The following ANO4 variants were observed in gnomAD, a reference collection of about 807,000 sequenced individuals.
ANO4 encodes the protein anoctamin 4.
In ANO4, 69 loss-of-function variants were observed where a neutral mutation model predicts 141.9. That is an observed-to-expected ratio of 0.49 (90% confidence interval 0.40 to 0.59). The LOEUF (loss-of-function observed/expected upper bound fraction) is 0.59, where lower values mean the gene tolerates loss of function less well. Among genes scored for constraint, ANO4 ranks in the 20% least tolerant of loss-of-function variants. The pLI is 0.00. For missense variants in ANO4, 894 were observed against 1,162.2 expected, an observed-to-expected ratio of 0.77 and a Z score of 3.36; for synonymous variants, 350 against 394.3, an observed-to-expected ratio of 0.89 and a Z score of 1.33.
intron 2 of ANO4, among the ~76,000 whole-genome samples, chr12:100,908,876 A>G (rs1406233370): frequency 2.6e-5 from 4 of 152,228 alleles, no homozygotes; most frequent in Non-Finnish European, 5.9e-5. Context: ...TGCCTGAACA[A>G]TTTCAGTATG....
chr12:100,894,050 A>G (rs1190926463), intron 1 of ANO4, among the ~76,000 whole-genome samples: 1 of 152,156 alleles, frequency 6.6e-6, no homozygotes, highest in Non-Finnish European at 1.5e-5. Context: ...AGAAAATATT[A>G]TATCTAGTCC....
intron 1 of ANO4, among the ~76,000 whole-genome samples, chr12:100,807,671 A>T (rs554352372): frequency 2.6e-5 from 4 of 152,208 alleles, no homozygotes; most frequent in Admixed American, 2.6e-4. Flanking sequence ...CCTGGGTATT[A>T]AGCCCAGCAT....
upstream of ANO4, among the ~76,000 whole-genome samples, chr12:100,793,448 C>G (rs1211242910): frequency 6.6e-6 from 1 of 152,090 alleles, no homozygotes; most frequent in Non-Finnish European, 1.5e-5. Context: ...CTGTGGTATT[C>G]AGGCTCCCCA....
intron 9 of ANO4, among the ~76,000 whole-genome samples, chr12:101,026,345 T>G (rs1223654149): frequency 6.6e-6 from 1 of 152,162 alleles, no homozygotes; most frequent in Non-Finnish European, 1.5e-5. Context: ...AATTGTACAC[T>G]GAAAACTACA....
chr12:101,075,935 T>C (rs2049008215), intron 14 of ANO4, among the ~76,000 whole-genome samples: 1 of 151,998 alleles, frequency 6.6e-6, no homozygotes, highest in Non-Finnish European at 1.5e-5. Context: ...ACAACCTGTC[T>C]TGGTTTGACT....
intron 2 of ANO4, among the ~76,000 whole-genome samples, chr12:100,737,288 G>A (rs781742115): frequency 3.4e-4 from 52 of 152,176 alleles, no homozygotes; most frequent in Non-Finnish European, 5.7e-4. Flanking sequence ...CCACATGGCT[G>A]CAGGGTTTCA....
Position 101,020,028 on chromosome 12 carries a change from A to T in ANO4, c.735-6A>T. The T allele has an allele frequency of 6.3e-7, 1 of 1,599,584 alleles. No homozygotes were observed. The highest frequency in any genetic ancestry group is 8.6e-7 in the Non-Finnish European group (1 of 1,167,508). On this transcript the variant is annotated splice_region_variant and splice_polypyrimidine_tract_variant and intron_variant, in intron 8 of 27. Transcript: ENST00000392977. ...CTCAACTTGTATTTTTAATATATGT[A>T]TGCAGCTTCATCATACACAACAAAG... is the stretch of plus-strand genomic sequence containing the variant.
Position 100,944,513 on chromosome 12 carries a change from G to A in ANO4, c.456+1978G>A, listed in dbSNP as rs550369784. Reference sequence around the variant, plus strand: ...CCCCCCTCCCCACTTTCCCCCAAAAGTTCTTCTCTGGGCATCACCTTCCAT... The same window carrying A: ...CCCCCCTCCCCACTTTCCCCCAAAAATTCTTCTCTGGGCATCACCTTCCAT... On this transcript the variant is annotated intron_variant, in intron 5 of 27. Transcript: ENST00000392977. Among the ~76,000 whole-genome samples, 26 of 150,668 alleles carry A rather than the reference G, an allele frequency of 1.7e-4. 1 individual carries two copies. In the South Asian group the frequency reaches 5.2e-3, roughly 30 times the overall value.
chr12:100,869,989 C>T (rs1393757142), intron 1 of ANO4, among the ~76,000 whole-genome samples: 1 of 152,176 alleles, frequency 6.6e-6, no homozygotes, highest in Non-Finnish European at 1.5e-5. Flanking sequence ...AGTGGTTCTA[C>T]CTGTGTTTCT....
At chr12:100,869,108 A>C (rs538371467) in intron 1 of ANO4, among the ~76,000 whole-genome samples, 4 of 152,140 alleles carry the variant, frequency 2.6e-5, no homozygotes. Context: ...CTGGTACTCA[A>C]CCTGAAACAC....
intron 8 of ANO4, among the ~76,000 whole-genome samples, chr12:101,002,949 C>T (rs992246031): frequency 1.3e-5 from 2 of 152,220 alleles, no homozygotes; most frequent in Non-Finnish European, 2.9e-5. Flanking sequence ...AAGCATTCCT[C>T]CTCTGCCCTA....
intron 14 of ANO4, among the ~76,000 whole-genome samples, chr12:101,060,065 T>A (rs1018352998): frequency 2.9e-4 from 44 of 152,246 alleles, no homozygotes; most frequent in African/African-American, 9.6e-4. Context: ...TTCCCAGAGA[T>A]TCTGGTACGT....
At chr12:100,971,479 C>A in intron 6 of ANO4, 73 bp downstream of exon 6, 2 of 1,108,418 alleles carry the variant, frequency 1.8e-6, no homozygotes, top group Non-Finnish European at 2.6e-6. Context: ...TCTCTCAGAA[C>A]AAATAAAACT....
intron 1 of ANO4, among the ~76,000 whole-genome samples, chr12:100,872,383 C>T (rs912765196): frequency 3.9e-5 from 6 of 152,210 alleles, no homozygotes; most frequent in South Asian, 2.1e-4. Context: ...AGAGTGAAAA[C>T]GTGATCTCAA....
chr12:100,965,766 C>T (rs2043626509), intron 5 of ANO4, among the ~76,000 whole-genome samples: 1 of 151,982 alleles, frequency 6.6e-6, no homozygotes. Context: ...ATAAAAGTCA[C>T]CTAATCACAG....
intron 8 of ANO4, 108 bp from the exon 9 acceptor site, chr12:101,019,926 T>G: frequency 1.2e-6 from 1 of 826,296 alleles, no homozygotes; most frequent in Non-Finnish European, 2.0e-6. Context: ...ACACCCTGTC[T>G]ATGACTGACT....
intron 14 of ANO4, among the ~76,000 whole-genome samples, chr12:101,049,735 T>A (rs914739108): frequency 1.3e-5 from 2 of 152,226 alleles, no homozygotes; most frequent in African/African-American, 4.8e-5. Flanking sequence ...TGATATATTG[T>A]GTCTTTTGTA....
At chr12:101,104,174 C>G (rs1450809777) in intron 22 of ANO4, among the ~76,000 whole-genome samples, 1 of 151,818 alleles carries the variant, frequency 6.6e-6, no homozygotes, top group African/African-American at 2.4e-5. Context: ...AAAAGAAAAA[C>G]TAACTTTGGT....
chr12:101,080,900 T>TATATATAC (rs1194122665), intron 15 of ANO4, among the ~76,000 whole-genome samples: 26 of 130,972 alleles, frequency 2.0e-4, no homozygotes, highest in African/African-American at 2.5e-4. Context: ...TATATATATA[T>TATATATAC]ACATACACAT....
Sources: allele counts gnomAD v4.1 joint callset (sites outside exome capture counted in the v4.1 genomes callset), GRCh38; gene constraint gnomAD v4.1.1; transcripts MANE v1.5; gene names NCBI Gene and HGNC (gene_info 2026-07-23, HGNC 2026-07-21).